Variants in ZNF346 observed in about 807,000 individuals in gnomAD.
ZNF346 encodes the protein double-stranded RNA-binding zinc finger protein JAZ.
In ZNF346, 23 loss-of-function variants were observed where a neutral mutation model predicts 33.7. The ratio of observed to expected loss-of-function variants is 0.68; its 90% CI spans 0.49 to 0.97. The LOEUF is 0.97. Among genes scored for constraint, ZNF346 ranks in the 50% least tolerant of loss-of-function variants. The pLI is 0.00. For missense variants in ZNF346, 340 were observed against 371.1 expected, an observed-to-expected ratio of 0.92 and a Z score of 0.69; for synonymous variants, 134 against 142.4, an observed-to-expected ratio of 0.94 and a Z score of 0.42.
intron 5 of ZNF346, chr5:177,051,748 A>T (rs1443885036): frequency 6.6e-6 from 1 of 151,932 alleles, no homozygotes; most frequent in East Asian, 1.9e-4. Flanking sequence ...CATGTTGGGC[A>T]GGATGGTCTC....
At chr5:177,041,392 T>A (rs2149630839) in intron 2 of ZNF346, among the ~76,000 whole-genome samples, 163 bp downstream of exon 2, 1 of 152,274 alleles carries the variant, frequency 6.6e-6, no homozygotes, top group East Asian at 1.9e-4. Flanking sequence ...TCTCCTTGAG[T>A]CTCATCTCCC....
At chr5:177,023,319 C>T in intron 1 of ZNF346, 3 of 987,684 alleles carry the variant, frequency 3.0e-6, no homozygotes, top group Non-Finnish European at 4.6e-6. Flanking sequence ...TCTCGCCTCC[C>T]TTCTCTCAAG....
intron 1 of ZNF346, among the ~76,000 whole-genome samples, chr5:177,035,984 G>C (rs1447128933): frequency 4.6e-5 from 7 of 151,394 alleles, no homozygotes; most frequent in African/African-American, 1.7e-4. Flanking sequence ...CCCTCTGTGG[G>C]CCTTAGCTTC....
intron 1 of ZNF346, among the ~76,000 whole-genome samples, chr5:177,025,689 A>G (rs1561957446): frequency 6.6e-6 from 1 of 152,210 alleles, no homozygotes; most frequent in Non-Finnish European, 1.5e-5. Flanking sequence ...TGAAATATCT[A>G]TTCACATCAT....
intron 5 of ZNF346, among the ~76,000 whole-genome samples, chr5:177,059,963 TGGG>T (rs904255214): frequency 1.5e-4 from 23 of 152,030 alleles, no homozygotes; most frequent in African/African-American, 5.1e-4. Flanking sequence ...GGAGATAAGA[TGGG>T]GGAGCAGGGA....
downstream of ZNF346, among the ~76,000 whole-genome samples, chr5:177,070,369 G>A (rs1459166901): frequency 6.6e-6 from 1 of 152,078 alleles, no homozygotes; most frequent in Non-Finnish European, 1.5e-5. Context: ...TCAATACCCA[G>A]GACCCACAAT....
At chr5:177,023,173 A>C in intron 1 of ZNF346, 10 of 1,536,034 alleles carry the variant, frequency 6.5e-6, no homozygotes, top group Non-Finnish European at 8.7e-6. Flanking sequence ...AGTTTTTCCC[A>C]CATTCGAGGA....
At chr5:177,053,192 T>G (rs1169683936) in intron 5 of ZNF346, among the ~76,000 whole-genome samples, 1 of 151,836 alleles carries the variant, frequency 6.6e-6, no homozygotes, top group Non-Finnish European at 1.5e-5. Flanking sequence ...GACACACGCC[T>G]ATAGTCCCAG....
intron 1 of ZNF346, among the ~76,000 whole-genome samples, chr5:177,037,454 T>C (rs1778662483): frequency 2.0e-5 from 3 of 152,180 alleles, no homozygotes; most frequent in Admixed American, 2.0e-4. Context: ...CACACTCACA[T>C]AACGAAAAGT....
intron 8 of ZNF346, among the ~76,000 whole-genome samples, chr5:177,076,443 C>T (rs929432166): frequency 1.1e-4 from 16 of 152,148 alleles, no homozygotes; most frequent in Admixed American, 2.6e-4. Context: ...CAAGAACTGC[C>T]GCCCATCTTC....
At chr5:177,040,353 T>A (rs1484090150) in intron 1 of ZNF346, among the ~76,000 whole-genome samples, 2 of 152,048 alleles carry the variant, frequency 1.3e-5, no homozygotes, top group African/African-American at 4.8e-5. Flanking sequence ...TTTATTTTAT[T>A]TATTTATTTA....
chr5:177,061,543 C>T (rs1782552627), intron 5 of ZNF346, among the ~76,000 whole-genome samples: 2 of 152,234 alleles, frequency 1.3e-5, no homozygotes. Flanking sequence ...GCTCCTCCCT[C>T]ACTACCAGAC....
In ZNF346 at chr5:177,031,998, C is replaced by CTTTTTTTTTTTTTT. The variant is rs34021834; in HGVS notation, c.175+9098_176-9102dup. Among the ~76,000 whole-genome samples the CTTTTTTTTTTTTTT allele has an allele frequency of 6.0e-4, 41 of 67,854 alleles. 1 individual carries two copies. Among genetic ancestry groups the CTTTTTTTTTTTTTT allele is most frequent in the Middle Eastern group, 9.6e-3 (1 of 104 alleles). 44.5% of individuals were successfully genotyped at this position (67,854 alleles called of 152,430 possible). A position where few individuals can be genotyped will look rare whatever the true frequency, so the allele number is the denominator to read the frequency against. On this transcript the variant is annotated intron_variant, in intron 1 of 6. Transcript: ENST00000358149. The stretch of plus-strand genomic sequence containing the variant: ...GCTTTCTTCATGCCTTTTCTTTTTT[C>CTTTTTTTTTTTTTT]TTTTTTTTTTTTTTTTTTTTTTTTT...
intron 1 of ZNF346, among the ~76,000 whole-genome samples, chr5:177,035,739 G>A (rs144372546): frequency 2.8e-5 from 4 of 143,866 alleles, no homozygotes; most frequent in South Asian, 2.2e-4. Flanking sequence ...GGGTTCAATC[G>A]ATTCTCCTGC....
chr5:177,062,409 C>A (rs1410449592), intron 6 of ZNF346, among the ~76,000 whole-genome samples: 1 of 152,202 alleles, frequency 6.6e-6, no homozygotes, highest in Non-Finnish European at 1.5e-5. Flanking sequence ...ACCCTAAGAA[C>A]ACCTGGCTGT....
At chr5:177,024,935 C>G (rs1172674718) in intron 1 of ZNF346, among the ~76,000 whole-genome samples, 1 of 152,162 alleles carries the variant, frequency 6.6e-6, no homozygotes, top group African/African-American at 2.4e-5. Context: ...TTCTACTCAC[C>G]CTTTTTCTAC....
intron 1 of ZNF346, among the ~76,000 whole-genome samples, chr5:177,037,129 T>C (rs1399336874): frequency 1.3e-5 from 2 of 152,182 alleles, no homozygotes; most frequent in Admixed American, 6.5e-5. Context: ...TTGTCCTGTT[T>C]TATTGTTGCT....
At chr5:177,040,074 G>A (rs1325595124) in intron 1 of ZNF346, among the ~76,000 whole-genome samples, 2 of 151,698 alleles carry the variant, frequency 1.3e-5, no homozygotes, top group Non-Finnish European at 2.9e-5. Context: ...CCAACTACTC[G>A]GGAGGCTGAG....
rs143529269 is a variant in ZNF346 at position 177,049,333 on chromosome 5, T to C, written c.518-1418T>C. Among the ~76,000 whole-genome samples, 771 of 152,274 alleles carry C rather than the reference T, an allele frequency of 5.1e-3. 1 individual carries two copies. The highest frequency in any genetic ancestry group is 8.2e-3 in the Non-Finnish European group (559 of 68,006). On this transcript the variant is annotated intron_variant, in intron 4 of 6. Coordinates refer to ENST00000358149, the MANE Select transcript of ZNF346 (RefSeq NM_012279.4). ...GGTATGGAAGAGCATCTGAGACATATCATCTGTGAGTCCTGCTGAGCCCCA... is the reference window on the plus strand; with the variant it reads ...GGTATGGAAGAGCATCTGAGACATACCATCTGTGAGTCCTGCTGAGCCCCA...
Sources: gnomAD v4.1 joint callset for allele counts (sites outside exome capture counted in the v4.1 genomes callset) on GRCh38, gnomAD v4.1.1 for gene constraint, MANE v1.5 for transcripts, NCBI Gene and HGNC (gene_info 2026-07-23, HGNC 2026-07-21) for gene names.